Variants in CADM1 observed in about 807,000 individuals in gnomAD.
CADM1 encodes cell adhesion molecule 1.
In CADM1, 15 loss-of-function variants were observed where a neutral mutation model predicts 53.1. The ratio of observed to expected loss-of-function variants is 0.28; its 90% confidence interval spans 0.19 to 0.44. The LOEUF is 0.44. Among genes scored for constraint, CADM1 ranks in the 20% least tolerant of loss-of-function variants. The pLI, the probability that CADM1 is intolerant of heterozygous loss-of-function variation, is 1.00. For missense variants in CADM1, 434 were observed against 611.3 expected (o/e 0.71, Z 3.06); for synonymous variants, 281 against 243.0 (o/e 1.16, Z -1.45).
At chr11:115,423,065 GC>G (rs1470080859) in intron 1 of CADM1, among the ~76,000 whole-genome samples, 3 of 151,458 alleles carry the variant, frequency 2.0e-5, no homozygotes, top group Non-Finnish European at 4.4e-5. Context: ...TTTTAATAGA[GC>G]AAAGACAAAA....
chr11:115,388,125 A>T (rs1282836490), intron 1 of CADM1, among the ~76,000 whole-genome samples: 1 of 152,132 alleles, frequency 6.6e-6, no homozygotes, highest in Non-Finnish European at 1.5e-5. Context: ...TTTGAGCACC[A>T]AAATAATTAA....
chr11:115,364,361 T>C (rs1298248100), intron 1 of CADM1, among the ~76,000 whole-genome samples: 2 of 152,202 alleles, frequency 1.3e-5, no homozygotes, highest in East Asian at 1.9e-4. Flanking sequence ...TAACATTCTC[T>C]CCTATCCATT....
intron 1 of CADM1, among the ~76,000 whole-genome samples, chr11:115,254,088 T>C (rs879535730): frequency 1.9e-4 from 29 of 152,194 alleles, no homozygotes; most frequent in Non-Finnish European, 3.7e-4. Flanking sequence ...ACAAAACCTG[T>C]GTGCCAAAAA....
At chr11:115,342,087 A>G (rs1465274367) in intron 1 of CADM1, among the ~76,000 whole-genome samples, 2 of 152,184 alleles carry the variant, frequency 1.3e-5, no homozygotes, top group African/African-American at 4.8e-5. Flanking sequence ...TCTACAAACA[A>G]AAATAAATTA....
At chr11:115,361,736 T>A (rs114382877) in intron 1 of CADM1, among the ~76,000 whole-genome samples, 2,406 of 152,100 alleles carry the variant, frequency 0.016, 65 homozygotes, top group African/African-American at 0.05. Context: ...TATTATTATT[T>A]TTTTTTTTGA....
chr11:115,273,304 C>T (rs1207863745), intron 1 of CADM1, among the ~76,000 whole-genome samples: 1 of 152,174 alleles, frequency 6.6e-6, no homozygotes, highest in Non-Finnish European at 1.5e-5. Flanking sequence ...GTCTATACTA[C>T]AGTGGTGGTT....
rs75261809 is a variant in CADM1 at position 115,438,536 on chromosome 11, G to A, written c.124+65735C>T. Among the ~76,000 whole-genome samples the A allele has an allele frequency of 5.4e-3, 817 of 151,312 alleles. 6 individuals carry two copies. Among genetic ancestry groups the A allele is most frequent in the African/African-American group, 0.019 (779 of 41,432 alleles). The stretch of plus-strand genomic sequence containing the variant: ...GCTTTGGGAAATGTAAAAAAAAATA[G>A]AAGAAAGAAAAACCATTGGCCTCTT... On this transcript the variant is annotated intron_variant, in intron 1 of 11. Coordinates refer to ENST00000331581, the MANE Select transcript of CADM1 (RefSeq NM_001301043.2).
chr11:115,397,132 G>A (rs1053660726), intron 1 of CADM1: 1 of 152,128 alleles, frequency 6.6e-6, no homozygotes, highest in Non-Finnish European at 1.5e-5. Flanking sequence ...ATACAACTCT[G>A]AGTGTGTTAT....
chr11:115,363,646 T>C (rs922821322), intron 1 of CADM1: 2 of 152,212 alleles, frequency 1.3e-5, no homozygotes, highest in African/African-American at 4.8e-5. Context: ...GATCATTGCA[T>C]CAGTTCAACT....
Position 115,366,714 on chromosome 11 carries a change from A to T in CADM1, c.125-126294T>A, listed in dbSNP as rs867914089. Among the ~76,000 whole-genome samples the T allele has an allele frequency of 1.5e-3, 229 of 152,358 alleles. 1 individual carries two copies. The highest frequency in any genetic ancestry group is 5.1e-3 in the African/African-American group (214 of 41,580). On this transcript the variant is annotated intron_variant, in intron 1 of 11. Transcript: ENST00000331581. ...CCAAATAAGGCAATTTACAAAAACA[A>T]AACCAAAAACTTTCTTAAGATGTCA...
At chr11:115,299,808 T>G (rs1256559719) in intron 1 of CADM1, among the ~76,000 whole-genome samples, 2 of 152,148 alleles carry the variant, frequency 1.3e-5, no homozygotes, top group African/African-American at 2.4e-5. Flanking sequence ...AGCCGCCATT[T>G]TCTCTTAAAA....
intron 1 of CADM1, among the ~76,000 whole-genome samples, chr11:115,491,493 G>A (rs1020240909): frequency 2.0e-5 from 3 of 151,968 alleles, no homozygotes; most frequent in African/African-American, 2.4e-5. Context: ...TGAACCTGGC[G>A]GCGGGGAGCC....
intron 1 of CADM1, among the ~76,000 whole-genome samples, chr11:115,251,197 C>T (rs529522435): frequency 5.3e-5 from 8 of 152,216 alleles, no homozygotes; most frequent in Non-Finnish European, 8.8e-5. Context: ...TCCAACTTAA[C>T]GGCATTTACA....
At chr11:115,419,778 G>A (rs973127952) in intron 1 of CADM1, among the ~76,000 whole-genome samples, 3 of 152,178 alleles carry the variant, frequency 2.0e-5, no homozygotes, top group Non-Finnish European at 4.4e-5. Flanking sequence ...GTTGGGAACA[G>A]ATGCTAAAAT....
At chr11:115,197,507 T>C (rs190244814) in intron 9 of CADM1, among the ~76,000 whole-genome samples, 2 of 152,196 alleles carry the variant, frequency 1.3e-5, no homozygotes, top group African/African-American at 2.4e-5. Flanking sequence ...TAAAGTAATA[T>C]ACAGATGAAA....
chr11:115,190,223 C>T (rs111250627), intron 10 of CADM1, among the ~76,000 whole-genome samples: 45 of 152,306 alleles, frequency 3.0e-4, no homozygotes, highest in African/African-American at 1.0e-3. Context: ...TTAGCTCTGA[C>T]CACTTTAAAT....
At chr11:115,364,367 C>A (rs1359674692) in intron 1 of CADM1, among the ~76,000 whole-genome samples, 1 of 152,188 alleles carries the variant, frequency 6.6e-6, no homozygotes, top group South Asian at 2.1e-4. Context: ...TCTCTCCTAT[C>A]CATTTTCCAC....
chr11:115,289,074 AAG>A (rs1413812958), intron 1 of CADM1, among the ~76,000 whole-genome samples: 2 of 152,212 alleles, frequency 1.3e-5, no homozygotes, highest in African/African-American at 4.8e-5. Context: ...GATGAAAAAT[AAG>A]AGTTATTGCC....
intron 1 of CADM1, among the ~76,000 whole-genome samples, chr11:115,338,712 G>A (rs1945332031): frequency 6.6e-6 from 1 of 151,828 alleles, no homozygotes; most frequent in Non-Finnish European, 1.5e-5. Context: ...TCAGTATTGG[G>A]CAATTACATC....
Sources: gnomAD v4.1 joint callset for allele counts (sites outside exome capture counted in the v4.1 genomes callset) on GRCh38, gnomAD v4.1.1 for gene constraint, MANE v1.5 for transcripts, NCBI Gene and HGNC (gene_info 2026-07-23, HGNC 2026-07-21) for gene names.